The following PLXNA4 variants were observed in gnomAD, a reference collection of about 807,000 sequenced individuals.
PLXNA4 encodes the protein plexin-A4.
A neutral mutation model predicts 191.8 loss-of-function variants in PLXNA4; 44 were observed. The observed-to-expected ratio is 0.23, with a 90% CI of 0.18 to 0.29. The LOEUF is 0.29. Ranked by LOEUF, PLXNA4 falls within the 10% of genes least tolerant of loss-of-function variation. The pLI is 1.00. For synonymous variants in PLXNA4, 1,082 were observed against 1,009.5 expected, an observed-to-expected ratio of 1.07 and a Z score of -1.36; for missense variants, 1,800 against 2,488.8, an observed-to-expected ratio of 0.72 and a Z score of 5.89.
chr7:132,354,581 G>A (rs1803624388), intron 3 of PLXNA4, among the ~76,000 whole-genome samples: 1 of 152,218 alleles, frequency 6.6e-6, no homozygotes, highest in Non-Finnish European at 1.5e-5. Flanking sequence ...GCTTCTTGGT[G>A]AATGGCTCTT....
intron 28 of PLXNA4, among the ~76,000 whole-genome samples, chr7:132,145,915 C>CAAAA (rs397778925): frequency 5.4e-5 from 5 of 92,360 alleles, no homozygotes; most frequent in African/African-American, 1.8e-4. Context: ...ACTAAAAATA[C>CAAAA]AAAAAAAAAA....
intron 2 of PLXNA4, among the ~76,000 whole-genome samples, chr7:132,629,787 C>T (rs1276777100): frequency 6.6e-6 from 1 of 152,188 alleles, no homozygotes; most frequent in African/African-American, 2.4e-5. Context: ...TGGCCGCCTT[C>T]TCACTATGTC....
chr7:132,153,940 C>G (rs988235159), intron 25 of PLXNA4, among the ~76,000 whole-genome samples: 2 of 152,148 alleles, frequency 1.3e-5, no homozygotes, highest in Non-Finnish European at 2.9e-5. Context: ...AGACCCATCC[C>G]AGGAAGCTTC....
intron 3 of PLXNA4, among the ~76,000 whole-genome samples, chr7:132,399,339 A>G (rs1793890735): frequency 6.6e-6 from 1 of 152,208 alleles, no homozygotes; most frequent in South Asian, 2.1e-4. Flanking sequence ...TAGCAACAAC[A>G]AAAATAGTCA....
At chr7:132,489,747 C>T (rs2117531938) in intron 2 of PLXNA4, among the ~76,000 whole-genome samples, 1 of 152,238 alleles carries the variant, frequency 6.6e-6, no homozygotes, top group Middle Eastern at 3.4e-3. Context: ...CCAACCCCTC[C>T]CAGCGCCATC....
chr7:132,314,524 G>C (rs1372092187), intron 3 of PLXNA4, among the ~76,000 whole-genome samples: 3 of 152,164 alleles, frequency 2.0e-5, no homozygotes, highest in Non-Finnish European at 4.4e-5. Context: ...CCCCATCAGA[G>C]TCTGGAAAGG....
Position 132,287,037 on chromosome 7 carries a change from TTG to T in PLXNA4, c.1503+11052_1503+11053del, listed in dbSNP as rs1445450723. Among the ~76,000 whole-genome samples, 3 of 152,174 alleles carry T rather than the reference TTG, an allele frequency of 2.0e-5. No individual in the cohort carries two copies. The East Asian group carries it at 5.8e-4, about 29-fold the overall frequency. On this transcript the variant is annotated intron_variant, in intron 4 of 31. Coordinates refer to ENST00000321063, the MANE Select transcript of PLXNA4 (RefSeq NM_020911.2). ...GGCTTCCCTGCCCCTAACAACGTTT[TTG>T]TTTGTTTGTTTTGGACATAGAGTCT...
chr7:132,321,878 G>A (rs1802182168), intron 3 of PLXNA4, among the ~76,000 whole-genome samples: 2 of 152,096 alleles, frequency 1.3e-5, no homozygotes, highest in Non-Finnish European at 2.9e-5. Flanking sequence ...TGGGGCGGAG[G>A]GGGCATAGGA....
At chr7:132,409,359 G>A (rs767262220) in intron 3 of PLXNA4, among the ~76,000 whole-genome samples, 17 of 152,160 alleles carry the variant, frequency 1.1e-4, no homozygotes, top group Non-Finnish European at 2.2e-4. Flanking sequence ...CTCCAGCCCC[G>A]AGACGTCTTC....
chr7:132,333,891 C>G (rs1431599030), intron 3 of PLXNA4, among the ~76,000 whole-genome samples: 2 of 152,166 alleles, frequency 1.3e-5, no homozygotes, highest in African/African-American at 4.8e-5. Context: ...GATTTTTTCT[C>G]TCTCTTCTTT....
At chr7:132,555,141 G>C (rs4731881) in intron 1 of PLXNA4, among the ~76,000 whole-genome samples, 135,006 of 151,950 alleles carry the variant, frequency 0.89, 61,124 homozygotes, top group East Asian at 1. Context: ...TAAAAATAAC[G>C]TATGTTTACA....
intron 3 of PLXNA4, among the ~76,000 whole-genome samples, chr7:132,318,882 T>A (rs886956964): frequency 2.0e-5 from 3 of 151,892 alleles, no homozygotes; most frequent in Non-Finnish European, 4.4e-5. Flanking sequence ...CTTTAACAAG[T>A]GTGGACTCTC....
At chr7:132,160,846 C>G (rs1047581827) in intron 24 of PLXNA4, among the ~76,000 whole-genome samples, 2 of 152,206 alleles carry the variant, frequency 1.3e-5, no homozygotes, top group African/African-American at 4.8e-5. Flanking sequence ...GAACCCTGGG[C>G]TCTGGGCACC....
At chr7:132,562,380 T>TCTCCTCCTCCTTCTGCTG (rs1801224789) in intron 1 of PLXNA4, among the ~76,000 whole-genome samples, 1 of 63,370 alleles carries the variant, frequency 1.6e-5, no homozygotes, top group Non-Finnish European at 3.4e-5. Flanking sequence ...TCCTCCTCCT[T>TCTCCTCCTCCTTCTGCTG]CTCCTCCTCC....
chr7:132,235,961 C>T (rs570836412), intron 5 of PLXNA4, among the ~76,000 whole-genome samples: 3 of 152,212 alleles, frequency 2.0e-5, no homozygotes, highest in Non-Finnish European at 4.4e-5. Context: ...CACCTCAATA[C>T]TTAGCATTGC....
At chr7:132,361,930 A>T (rs967570246) in intron 3 of PLXNA4, among the ~76,000 whole-genome samples, 4 of 152,236 alleles carry the variant, frequency 2.6e-5, no homozygotes, top group Non-Finnish European at 5.9e-5. Context: ...AGAGAAATTG[A>T]TATCAATATT....
Position 132,508,483 on chromosome 7 carries a change from T to C in PLXNA4, c.211A>G (p.Ile71Val), listed in dbSNP as rs1421958866. ...TTCAGGTCGCTGGAGAGCTTGTAAA[T>C]CCGATTGACGGCCCCCAAGTAAATG... ...GHIYLGAVNRIYKLSSDLKVL... is the reference protein window; with the variant it reads ...GHIYLGAVNRVYKLSSDLKVL... Residue 71 changes from isoleucine (I) to valine (V), a missense_variant, in exon 2 of 32, where the codon ATT becomes GTT. By Grantham distance (29) the Ile-to-Val change is conservative. Around this residue, in one of 6 missense-constraint regions of PLXNA4, gnomAD observed 1,397 missense variants for 1,880.4 expected, o/e 0.74. Transcript: ENST00000321063. The surrounding 1 kb of genome is among the most constrained non-coding windows in gnomAD (Gnocchi z 4.4). 1 of 1,614,038 alleles carries C rather than the reference T, an allele frequency of 6.2e-7. No individual in the cohort carries two copies. Among genetic ancestry groups the C allele is most frequent in the Non-Finnish European group, 8.5e-7 (1 of 1,180,038 alleles).
At chr7:132,586,101 T>C (rs1802500477) in intron 2 of PLXNA4, among the ~76,000 whole-genome samples, 1 of 152,212 alleles carries the variant, frequency 6.6e-6, no homozygotes, top group Non-Finnish European at 1.5e-5. Flanking sequence ...GGCTGGTGAA[T>C]TAATTGACTC....
intron 31 of PLXNA4, among the ~76,000 whole-genome samples, chr7:132,131,527 A>G (rs1361058304): frequency 6.6e-6 from 1 of 151,970 alleles, no homozygotes; most frequent in Admixed American, 6.6e-5. Flanking sequence ...AGGAGATGAG[A>G]AGGAGGCTCA....
Sources: allele counts gnomAD v4.1 joint callset (sites outside exome capture counted in the v4.1 genomes callset), GRCh38; gene constraint gnomAD v4.1.1; regional missense constraint gnomAD v4.1.1; non-coding constraint Gnocchi (gnomAD v3.1); transcripts MANE v1.5; gene names NCBI Gene and HGNC (gene_info 2026-07-23, HGNC 2026-07-21).